Variants in CDH4 observed in about 807,000 individuals in gnomAD.
The protein encoded by CDH4 is cadherin-4.
A neutral mutation model predicts 86.0 loss-of-function variants in CDH4; 33 were observed. The ratio of observed to expected loss-of-function variants is 0.38; its 90% confidence interval spans 0.29 to 0.51. The LOEUF is 0.51. Among genes scored for constraint, CDH4 ranks in the 20% least tolerant of loss-of-function variants. CDH4 has a pLI of 0.86. For synonymous variants in CDH4, 555 were observed against 549.4 expected (o/e 1.01, Z -0.14); for missense variants, 1,114 against 1,307.4 (o/e 0.85, Z 2.28).
intron 7 of CDH4, among the ~76,000 whole-genome samples, chr20:61,891,470 T>TC (rs1984816095): frequency 6.6e-6 from 1 of 152,122 alleles, no homozygotes; most frequent in South Asian, 2.1e-4. Context: ...GCTGCAGTCC[T>TC]CCCCCCTTCT....
intron 4 of CDH4, among the ~76,000 whole-genome samples, chr20:61,814,471 G>C (rs142063960): frequency 6.6e-6 from 1 of 152,294 alleles, no homozygotes; most frequent in Non-Finnish European, 1.5e-5. Context: ...TGCAGACCCA[G>C]CCCCTCACAC....
At chr20:61,263,882 G>A (rs960667722) in intron 2 of CDH4, among the ~76,000 whole-genome samples, 1 of 152,034 alleles carries the variant, frequency 6.6e-6, no homozygotes, top group Non-Finnish European at 1.5e-5. Flanking sequence ...AGAGCCAGCC[G>A]TGAAGCATCT....
chr20:61,918,749 G>A (rs556657021), intron 9 of CDH4, among the ~76,000 whole-genome samples: 5 of 152,298 alleles, frequency 3.3e-5, no homozygotes, highest in African/African-American at 9.6e-5. Context: ...TGCAGGGACC[G>A]TGGGGACCCA....
intron 2 of CDH4, among the ~76,000 whole-genome samples, chr20:61,573,212 C>T (rs2252915): frequency 0.67 from 101,145 of 151,978 alleles, 34,503 homozygotes; most frequent in East Asian, 0.8. Flanking sequence ...AGTGTTAAAG[C>T]CCAGAGAATA....
chr20:61,839,415 C>CGT (rs528842033), intron 4 of CDH4, among the ~76,000 whole-genome samples: 20 of 148,392 alleles, frequency 1.3e-4, no homozygotes, highest in Middle Eastern at 3.5e-3. Context: ...TGCATGTGTG[C>CGT]GTGTGTGTGT....
chr20:61,631,117 G>A (rs1181584286), intron 2 of CDH4, among the ~76,000 whole-genome samples: 3 of 152,208 alleles, frequency 2.0e-5, no homozygotes, highest in Admixed American at 1.3e-4. Flanking sequence ...GCTAAGCACC[G>A]CTGTGTCCAA....
intron 2 of CDH4, among the ~76,000 whole-genome samples, chr20:61,534,750 G>A (rs1365129025): frequency 2.2e-5 from 3 of 136,368 alleles, no homozygotes; most frequent in Non-Finnish European, 3.0e-5. Context: ...TTGCTGGGAC[G>A]CTCCTTTGGA....
At chr20:61,319,815 G>A (rs8126026) in intron 2 of CDH4, among the ~76,000 whole-genome samples, 5,044 of 151,726 alleles carry the variant, frequency 0.033, 176 homozygotes, top group African/African-American at 0.083. Flanking sequence ...TTAACCAGGC[G>A]TGGTGTCAGG....
chr20:61,832,860 T>C (rs1396248094), intron 4 of CDH4, among the ~76,000 whole-genome samples: 1 of 152,074 alleles, frequency 6.6e-6, no homozygotes, highest in Non-Finnish European at 1.5e-5. Context: ...TCATCACTGG[T>C]TCTACGACCT....
intron 2 of CDH4, among the ~76,000 whole-genome samples, chr20:61,540,529 G>A (rs59869163): frequency 0.02 from 3,061 of 152,136 alleles, 101 homozygotes; most frequent in African/African-American, 0.069. Context: ...TGGGGTTTAG[G>A]AGCAACTCAT....
chr20:61,623,234 C>T lies in CDH4; in HGVS notation c.170-120329C>T, dbSNP rs1028077176. ...GGCTCACCCCACCTGCCACGCTGCA[C>T]CCCACTCACCACACTGCGGCGCCTG... On this transcript the variant is annotated intron_variant, in intron 2 of 15. Transcript: ENST00000614565. The surrounding 1 kb of genome is among the most constrained non-coding windows in gnomAD (Gnocchi z 4.4). Among the ~76,000 whole-genome samples the T allele has an allele frequency of 3.3e-5, 5 of 152,154 alleles. No individual in the cohort carries two copies. The highest frequency in any genetic ancestry group is 1.2e-4 in the African/African-American group (5 of 41,442).
rs73917939 is a variant in CDH4, at chr20:61,521,564, C to A, written c.170-221999C>A. On this transcript the variant is annotated intron_variant, in intron 2 of 15. Transcript: ENST00000614565. ...CCGCCAAGAAAACCAGTGGTGCCCC[C>A]ACTTTACAGAGGAGAGGCTGATGTG... Among the ~76,000 whole-genome samples the A allele has an allele frequency of 1.1e-3, 160 of 152,298 alleles. 1 individual carries two copies. Among genetic ancestry groups the A allele is most frequent in the African/African-American group, 3.3e-3 (138 of 41,548 alleles).
chr20:61,450,347 T>C (rs967881332), intron 2 of CDH4, among the ~76,000 whole-genome samples: 1 of 152,152 alleles, frequency 6.6e-6, no homozygotes, highest in Admixed American at 6.5e-5. Flanking sequence ...CTTACACACA[T>C]GCATTGGCCC....
At chr20:61,478,868 G>A (rs752085560) in intron 2 of CDH4, among the ~76,000 whole-genome samples, 2 of 152,346 alleles carry the variant, frequency 1.3e-5, no homozygotes, top group South Asian at 4.1e-4. Context: ...TCTGCCTGGG[G>A]GCATCTTAAA....
At chr20:61,403,322 G>A (rs1158582504) in intron 2 of CDH4, among the ~76,000 whole-genome samples, 4 of 152,218 alleles carry the variant, frequency 2.6e-5, no homozygotes, top group African/African-American at 9.6e-5. Flanking sequence ...GTTTGAGGGT[G>A]TTTCCTTGTG....
chr20:61,307,221 C>T (rs1428191030), intron 2 of CDH4, among the ~76,000 whole-genome samples: 1 of 152,228 alleles, frequency 6.6e-6, no homozygotes, highest in Non-Finnish European at 1.5e-5. Flanking sequence ...TTGCACTCAG[C>T]ACCTACATGC....
intron 2 of CDH4, among the ~76,000 whole-genome samples, chr20:61,633,846 C>CA (rs1568724737): frequency 6.6e-6 from 1 of 152,210 alleles, no homozygotes; most frequent in African/African-American, 2.4e-5. Flanking sequence ...ATCTCCCCCC[C>CA]AGCTGTCCAT....
At chr20:61,695,675 CA>C (rs1404750891) in intron 2 of CDH4, among the ~76,000 whole-genome samples, 1 of 152,124 alleles carries the variant, frequency 6.6e-6, no homozygotes, top group Non-Finnish European at 1.5e-5. Context: ...CAGGGGAGGT[CA>C]AAAATGCAGG....
At chr20:61,602,694 T>TAAAAAAA (rs10641053) in intron 2 of CDH4, among the ~76,000 whole-genome samples, 12 of 89,128 alleles carry the variant, frequency 1.3e-4, no homozygotes, top group South Asian at 1.0e-3. Flanking sequence ...TTCACTTTAT[T>TAAAAAAA]AAAAAAAAAA....
Sources: gnomAD v4.1 joint callset for allele counts (sites outside exome capture counted in the v4.1 genomes callset) on GRCh38, gnomAD v4.1.1 for gene constraint, Gnocchi (gnomAD v3.1) non-coding constraint, MANE v1.5 for transcripts, NCBI Gene and HGNC (gene_info 2026-07-23, HGNC 2026-07-21) for gene names.